CRTC3: variants seen among roughly 807,000 people sequenced by gnomAD.
CRTC3 encodes CREB regulated transcription coactivator 3, also known as CREB-regulated transcription coactivator 3.
In CRTC3, 26 loss-of-function variants were observed where a neutral mutation model predicts 74.5. The ratio of observed to expected loss-of-function variants is 0.35; its 90% CI spans 0.26 to 0.48. CRTC3 has a LOEUF of 0.48. Ranked by LOEUF, CRTC3 falls within the 20% of genes least tolerant of loss-of-function variation. The pLI, the probability that CRTC3 is intolerant of heterozygous loss-of-function variation, is 0.99. For missense variants in CRTC3, 760 were observed against 787.3 expected, an observed-to-expected ratio of 0.97 and a Z score of 0.41; for synonymous variants, 377 against 325.8, an observed-to-expected ratio of 1.16 and a Z score of -1.69.
At chr15:90,629,060 A>G (rs892674198) in intron 10 of CRTC3, among the ~76,000 whole-genome samples, 174 bp from the exon 11 acceptor site, 6 of 152,190 alleles carry the variant, frequency 3.9e-5, no homozygotes, top group African/African-American at 1.4e-4. Context: ...GTGCAGGGGC[A>G]TCTTTTCCTT....
At chr15:90,543,134 GAA>G (rs34961335) in intron 2 of CRTC3, among the ~76,000 whole-genome samples, 1 of 124,248 alleles carries the variant, frequency 8.0e-6, no homozygotes, top group Non-Finnish European at 1.6e-5. Context: ...TGTCTCTACT[GAA>G]AAAAAAAAAA....
chr15:90,572,023 A>C (rs149713721), intron 2 of CRTC3, among the ~76,000 whole-genome samples: 4 of 152,010 alleles, frequency 2.6e-5, no homozygotes, highest in African/African-American at 7.3e-5. Flanking sequence ...TTAGCTGGGC[A>C]TGGTGGTGTG....
chr15:90,617,759 G>A (rs2151087774), intron 7 of CRTC3, 124 bp from the exon 8 acceptor site: 1 of 633,312 alleles, frequency 1.6e-6, no homozygotes, highest in Non-Finnish European at 2.9e-6. Flanking sequence ...TCAAACTCCT[G>A]GGCTCAAGCG....
intron 11 of CRTC3, among the ~76,000 whole-genome samples, chr15:90,634,539 T>G (rs1196803271): frequency 3.3e-5 from 5 of 152,208 alleles, no homozygotes; most frequent in Admixed American, 2.0e-4. Context: ...TCACAACTAC[T>G]TCTTCCTGCA....
Position 90,593,798 on chromosome 15 carries a change from G to A in CRTC3, c.351+43G>A, listed in dbSNP as rs1967855557. The A allele has an allele frequency of 2.6e-6, 4 of 1,547,310 alleles. No homozygotes were observed. In the South Asian group the frequency reaches 3.6e-5, roughly 14 times the overall value. On this transcript the variant is annotated intron_variant, in intron 3 of 14. Coordinates refer to ENST00000268184, the MANE Select transcript of CRTC3 (RefSeq NM_022769.5). ...TCAAAGGGAGTGTGCATTCTGAAAT[G>A]TTTGAAAAGTTTTCAGGATTTATCT...
rs1433349555 is a variant in CRTC3, at chr15:90,530,798, T to C, written c.132+595T>C. On this transcript the variant is annotated intron_variant, in intron 1 of 14. Transcript: ENST00000268184. The surrounding 1 kb of genome is among the most constrained non-coding windows in gnomAD (Gnocchi z 6.2). ...TGGAGGTGCTTTATCGGGTCCAGTT[T>C]ACTTTGTTCGGCCCGGGATATTTAG... 2.0e-5 allele frequency: 3 copies of C among 152,332 alleles called. No individual in the cohort carries two copies. Among genetic ancestry groups the C allele is most frequent in the African/African-American group, 7.2e-5 (3 of 41,472 alleles). 9.4% of individuals were successfully genotyped at this position (152,332 alleles called of 1,614,324 possible).
rs1338463764 is a variant in CRTC3, at chr15:90,546,422, T to A, written c.231+6285T>A. Among the ~76,000 whole-genome samples the A allele has an allele frequency of 2.0e-5, 3 of 152,186 alleles. No individual in the cohort carries two copies. In the East Asian group the frequency reaches 5.8e-4, roughly 29 times the overall value. On this transcript the variant is annotated intron_variant, in intron 2 of 14. Coordinates refer to ENST00000268184, the MANE Select transcript of CRTC3 (RefSeq NM_022769.5). ...GTCTATCATTTTGCTAATACCATCT[T>A]CTGTGTCATTGGTTTCTTTGTCTAT...
intron 8 of CRTC3, chr15:90,618,263 C>G (rs1968548360): frequency 5.3e-6 from 1 of 189,386 alleles, no homozygotes; most frequent in Non-Finnish European, 1.1e-5. Flanking sequence ...TTGCTAAAAG[C>G]TCTGAAACCT....
chr15:90,547,670 A>G (rs1213499647), intron 2 of CRTC3, among the ~76,000 whole-genome samples: 1 of 152,266 alleles, frequency 6.6e-6, no homozygotes, highest in East Asian at 1.9e-4. Flanking sequence ...CCTGGCACAC[A>G]TACACTGAGG....
rs145243828 is a variant in CRTC3, at chr15:90,624,678, C to T, written c.750-1098C>T. Among the ~76,000 whole-genome samples the T allele has an allele frequency of 8.4e-3, 1,279 of 152,352 alleles. 22 individuals carry two copies. Among genetic ancestry groups the T allele is most frequent in the African/African-American group, 0.029 (1,196 of 41,576 alleles). On this transcript the variant is annotated intron_variant, in intron 9 of 14. Transcript: ENST00000268184. ...ACCCCTTCTCAAACCCAGCATAGCG[C>T]GCTTCCTGCCACGTTGCAGTTACTT...
chr15:90,631,215 G>C (rs80201435), intron 11 of CRTC3, among the ~76,000 whole-genome samples: 56 of 152,180 alleles, frequency 3.7e-4, no homozygotes, highest in African/African-American at 1.3e-3. Flanking sequence ...CGTGTTGATC[G>C]TATGAGTGAT....
intron 1 of CRTC3, among the ~76,000 whole-genome samples, chr15:90,535,747 A>G (rs1052048189): frequency 6.6e-6 from 1 of 152,218 alleles, no homozygotes; most frequent in East Asian, 1.9e-4. Context: ...GGTTTGGGCT[A>G]AATATTGAGG....
At chr15:90,572,614 C>T (rs962458528) in intron 2 of CRTC3, among the ~76,000 whole-genome samples, 3 of 152,182 alleles carry the variant, frequency 2.0e-5, no homozygotes, top group Admixed American at 2.0e-4. Context: ...CTCACTCTGT[C>T]ACCCAGGCTG....
chr15:90,577,988 C>T (rs1967446039), intron 2 of CRTC3, among the ~76,000 whole-genome samples: 1 of 152,210 alleles, frequency 6.6e-6, no homozygotes, highest in Non-Finnish European at 1.5e-5. Flanking sequence ...GGGCTCACTG[C>T]AACCTCCATC....
At chr15:90,586,518 A>G (rs1967668867) in intron 2 of CRTC3, among the ~76,000 whole-genome samples, 1 of 151,680 alleles carries the variant, frequency 6.6e-6, no homozygotes, top group African/African-American at 2.4e-5. Flanking sequence ...GACTCTCACT[A>G]CCATGCCCAG....
At chr15:90,585,212 A>G (rs1480012209) in intron 2 of CRTC3, among the ~76,000 whole-genome samples, 2 of 152,136 alleles carry the variant, frequency 1.3e-5, no homozygotes, top group Non-Finnish European at 2.9e-5. Context: ...TGGTATGATC[A>G]TAGCTCACTG....
chr15:90,625,217 C>T (rs975133058), intron 9 of CRTC3, among the ~76,000 whole-genome samples: 13 of 85,080 alleles, frequency 1.5e-4, no homozygotes, highest in African/African-American at 6.5e-4. Flanking sequence ...CTGACCCCGG[C>T]GGACACACTC....
Position 90,617,885 on chromosome 15 carries a change from G to T in CRTC3, c.616G>T (p.Ala206Ser). ...DGENNGHGEV[A>S]SFPGPLKEEN... Reference sequence around the variant, plus strand: ...TGCTGCTTTTTTTTTCCCTTTAGTAGCATCTTTCCCTGGCCCATTGAAAGA... The same window carrying T: ...TGCTGCTTTTTTTTTCCCTTTAGTATCATCTTTCCCTGGCCCATTGAAAGA... The change falls in exon 8 of 15, where the codon GCA becomes TCA. Residue 206 changes from alanine (A) to serine (S), a missense_variant and splice_region_variant. Physicochemically the swap from Ala to Ser is moderately conservative, Grantham distance 99. Transcript: ENST00000268184. 1 of 1,608,066 alleles carries T rather than the reference G, an allele frequency of 6.2e-7. No individual in the cohort carries two copies. Among genetic ancestry groups the T allele is most frequent in the Non-Finnish European group, 8.5e-7 (1 of 1,174,784 alleles).
chr15:90,602,459 A>G (rs1016913288), intron 4 of CRTC3, 74 bp downstream of exon 4: 9 of 851,206 alleles, frequency 1.1e-5, no homozygotes, highest in Admixed American at 6.3e-5. Flanking sequence ...TCCACTTTGA[A>G]TGTTGTTTAG....
Sources: gnomAD v4.1 joint callset for allele counts (sites outside exome capture counted in the v4.1 genomes callset) on GRCh38, gnomAD v4.1.1 for gene constraint, Gnocchi (gnomAD v3.1) non-coding constraint, MANE v1.5 for transcripts, NCBI Gene and HGNC (gene_info 2026-07-23, HGNC 2026-07-21) for gene names.